The following CMKLR1 variants were observed in gnomAD, a reference collection of about 807,000 sequenced individuals.
The protein encoded by CMKLR1 is chemerin chemokine-like receptor 1.
In CMKLR1, 6 loss-of-function variants were observed where a neutral mutation model predicts 8.2. The ratio of observed to expected loss-of-function variants is 0.73; its 90% CI spans 0.40 to 1.44. The LOEUF is 1.44. CMKLR1 is among the 40% of genes most tolerant of loss of function. The pLI, the probability that CMKLR1 is intolerant of heterozygous loss-of-function variation, is 0.02. For synonymous variants in CMKLR1, 178 were observed against 181.2 expected, an observed-to-expected ratio of 0.98 and a Z score of 0.14; for missense variants, 429 against 478.0, an observed-to-expected ratio of 0.90 and a Z score of 0.96.
chr12:108,317,665 A>T (rs1341610549), intron 2 of CMKLR1, among the ~76,000 whole-genome samples: 2 of 152,272 alleles, frequency 1.3e-5, no homozygotes. Flanking sequence ...TTTACAACAC[A>T]CATACTATTC....
intron 2 of CMKLR1, among the ~76,000 whole-genome samples, chr12:108,308,569 G>A (rs1891469113): frequency 6.6e-6 from 1 of 152,186 alleles, no homozygotes; most frequent in Non-Finnish European, 1.5e-5. Flanking sequence ...ACTGTAGGAA[G>A]TGTGCTCAGC....
intron 2 of CMKLR1, among the ~76,000 whole-genome samples, chr12:108,318,844 T>G (rs1424703000): frequency 6.6e-6 from 1 of 152,198 alleles, no homozygotes; most frequent in Non-Finnish European, 1.5e-5. Context: ...TTTTATTCTG[T>G]TTTAAAATAA....
intron 2 of CMKLR1, among the ~76,000 whole-genome samples, chr12:108,311,818 G>A (rs1891586099): frequency 6.6e-6 from 1 of 152,168 alleles, no homozygotes; most frequent in Non-Finnish European, 1.5e-5. Context: ...GGACTCATGG[G>A]AAGCCCCAGG....
At chr12:108,314,716 G>T (rs1891671407) in intron 2 of CMKLR1, among the ~76,000 whole-genome samples, 1 of 151,426 alleles carries the variant, frequency 6.6e-6, no homozygotes, top group African/African-American at 2.5e-5. Context: ...AGTGATAAGT[G>T]GGACACTACT....
intron 1 of CMKLR1, among the ~76,000 whole-genome samples, chr12:108,338,183 CAG>C (rs1892275319): frequency 1.3e-5 from 2 of 151,996 alleles, no homozygotes; most frequent in Admixed American, 1.3e-4. Context: ...ATTCTGAAGA[CAG>C]AGGAGGGAGT....
chr12:108,290,302 G>C lies in CMKLR1; in HGVS notation c.*1539C>G, dbSNP rs971548270. ...AACTGAAGTTCAAATCCAAGCTCCG[G>C]CAGAGACTAGCTGGGTACCTTTGGG... On this transcript the variant is annotated 3_prime_UTR_variant, in exon 4 of 4. Coordinates refer to ENST00000550402, the MANE Select transcript of CMKLR1 (RefSeq NM_001142343.2). 1 of 152,126 alleles carries C rather than the reference G, an allele frequency of 6.6e-6. No homozygotes were observed. The highest frequency in any genetic ancestry group is 1.5e-5 in the Non-Finnish European group (1 of 68,032). 9.4% of individuals were successfully genotyped at this position (152,126 alleles called of 1,614,324 possible). A position where few individuals can be genotyped will look rare whatever the true frequency, so the allele number is the denominator to read the frequency against.
intron 1 of CMKLR1, among the ~76,000 whole-genome samples, chr12:108,331,182 A>G (rs1310292679): frequency 6.6e-6 from 1 of 152,188 alleles, no homozygotes; most frequent in Non-Finnish European, 1.5e-5. Flanking sequence ...GCCTCCTACC[A>G]GGTGCCAGAC....
intron 2 of CMKLR1, among the ~76,000 whole-genome samples, chr12:108,323,912 C>T (rs1891920810): frequency 6.6e-6 from 1 of 152,224 alleles, no homozygotes; most frequent in South Asian, 2.1e-4. Flanking sequence ...GAGGAATAGG[C>T]TGGCCCCACA....
In CMKLR1 at chr12:108,292,034, C is replaced by A; in HGVS notation, c.929G>T (p.Cys310Phe). The A allele has an allele frequency of 6.2e-7, 1 of 1,614,184 alleles. No homozygotes were observed. The highest frequency in any genetic ancestry group is 8.5e-7 in the Non-Finnish European group (1 of 1,180,032). The change falls in exon 4 of 4, where the codon TGC becomes TTC. Residue 310 changes from cysteine to phenylalanine, a missense_variant. Cys to Phe is a radical substitution (Grantham distance 205, BLOSUM62 -2). Coordinates refer to ENST00000550402, the MANE Select transcript of CMKLR1 (RefSeq NM_001142343.2). ...LATALAIANS[C>F]MNPILYVFMG... ...GAAAACATACAGAATGGGGTTCATG[C>A]AGCTGTTGGCAATGGCAAGGGCAGT...
intron 2 of CMKLR1, among the ~76,000 whole-genome samples, chr12:108,327,746 G>A (rs1377864556): frequency 1.3e-5 from 2 of 152,228 alleles, no homozygotes; most frequent in African/African-American, 4.8e-5. Context: ...AACTCCATGG[G>A]TGAAGGCTAC....
Position 108,291,590 on chromosome 12 carries a change from T to C in CMKLR1, c.*251A>G. ...TTTGAGAATTCTTCCTTTTTTGCTT[T>C]GAGTCAGTCAAGGCTGGCCTCCCAA... On this transcript the variant is annotated 3_prime_UTR_variant, in exon 4 of 4. Transcript: ENST00000550402. 2.1e-6 allele frequency: 1 copy of C among 476,416 alleles called. No individual in the cohort carries two copies. Among genetic ancestry groups the C allele is most frequent in the South Asian group, 3.2e-5 (1 of 31,568 alleles). The allele number at this position is 476,416 out of a possible 1,614,324, so 29.5% of individuals were successfully genotyped here. A position where few individuals can be genotyped will look rare whatever the true frequency, so the allele number is the denominator to read the frequency against.
chr12:108,338,150 G>A (rs1002334085), intron 1 of CMKLR1, among the ~76,000 whole-genome samples: 4 of 152,186 alleles, frequency 2.6e-5, no homozygotes, highest in Non-Finnish European at 4.4e-5. Context: ...TGCCAAAGCT[G>A]GCTTGCCCAT....
At chr12:108,311,920 A>C (rs1036800863) in intron 2 of CMKLR1, among the ~76,000 whole-genome samples, 3 of 152,186 alleles carry the variant, frequency 2.0e-5, no homozygotes, top group Admixed American at 1.3e-4. Context: ...CAGTACCCCG[A>C]GCATGGTTCA....
At chr12:108,295,242 C>T (rs1392081253) in intron 2 of CMKLR1, among the ~76,000 whole-genome samples, 1 of 152,226 alleles carries the variant, frequency 6.6e-6, no homozygotes, top group East Asian at 1.9e-4. Context: ...TAAGGGGCTA[C>T]AGCAGGGCTC....
At position 108,292,324 on chromosome 12, in the gene CMKLR1, C is replaced by T. The variant is rs765046025; in HGVS notation, c.639G>A (p.Gly213=). The change falls in exon 4 of 4, where the codon GGG becomes GGA. Residue 213 remains glycine, a synonymous_variant. Transcript: ENST00000550402. ...WPTHSQMDPV[G]YSRHMVVTVT... ...CAGTCACCACCATGTGCCGGCTATA[C>T]CCCACAGGGTCCATTTGGGAGTGAG... 2 of 1,614,140 alleles carry T rather than the reference C, an allele frequency of 1.2e-6. No homozygotes were observed. Among genetic ancestry groups the T allele is most frequent in the South Asian group, 1.1e-5 (1 of 91,074 alleles).
intron 1 of CMKLR1, among the ~76,000 whole-genome samples, chr12:108,338,220 G>T (rs757770206): frequency 4.6e-5 from 7 of 152,068 alleles, no homozygotes; most frequent in Non-Finnish European, 7.4e-5. Flanking sequence ...AGAGAGTGCC[G>T]GCAAAGGTTT....
intron 2 of CMKLR1, among the ~76,000 whole-genome samples, chr12:108,311,144 T>C (rs1332339453): frequency 6.6e-6 from 1 of 152,118 alleles, no homozygotes; most frequent in African/African-American, 2.4e-5. Context: ...GAAGTCAATG[T>C]CGTGATGACG....
At chr12:108,305,714 C>T (rs139548546) in intron 2 of CMKLR1, among the ~76,000 whole-genome samples, 11 of 152,350 alleles carry the variant, frequency 7.2e-5, no homozygotes, top group East Asian at 1.9e-4. Context: ...GAATTAGCTC[C>T]GTGTCAGGAG....
intron 2 of CMKLR1, chr12:108,318,028 A>C (rs1036360257): frequency 6.6e-6 from 1 of 152,234 alleles, no homozygotes; most frequent in African/African-American, 2.4e-5. Flanking sequence ...ATGATTTCTT[A>C]TTAGTATATT....
Sources: allele counts gnomAD v4.1 joint callset (sites outside exome capture counted in the v4.1 genomes callset), GRCh38; gene constraint gnomAD v4.1.1; transcripts MANE v1.5; gene names NCBI Gene and HGNC (gene_info 2026-07-23, HGNC 2026-07-21).